Variants in EPHA6 observed in about 807,000 individuals in gnomAD.
The protein encoded by EPHA6 is ephrin type-A receptor 6.
A neutral mutation model predicts 112.0 loss-of-function variants in EPHA6; 50 were observed. The ratio of observed to expected loss-of-function variants is 0.45; its 90% CI spans 0.36 to 0.56. The LOEUF (loss-of-function observed/expected upper bound fraction) is 0.56, where lower values mean the gene tolerates loss of function less well. Ranked by LOEUF, EPHA6 falls within the 20% of genes least tolerant of loss-of-function variation. The pLI, the probability that EPHA6 is intolerant of heterozygous loss-of-function variation, is 0.00. For missense variants in EPHA6, 1,280 were observed against 1,417.4 expected, an observed-to-expected ratio of 0.90 and a Z score of 1.56; for synonymous variants, 529 against 490.7, an observed-to-expected ratio of 1.08 and a Z score of -1.03.
At chr3:97,446,648 T>G (rs1416873159) in intron 6 of EPHA6, among the ~76,000 whole-genome samples, 2 of 152,142 alleles carry the variant, frequency 1.3e-5, no homozygotes, top group Admixed American at 1.3e-4. Context: ...ACCATAACTC[T>G]TACGTTGTAG....
chr3:97,542,568 T>C (rs2092876744), intron 11 of EPHA6, among the ~76,000 whole-genome samples: 1 of 152,206 alleles, frequency 6.6e-6, no homozygotes, highest in Non-Finnish European at 1.5e-5. Context: ...TGTGCATGTG[T>C]CTTTATAGCA....
chr3:96,826,441 C>T (rs16836101), intron 1 of EPHA6, among the ~76,000 whole-genome samples: 2,045 of 152,062 alleles, frequency 0.013, 46 homozygotes, highest in African/African-American at 0.044. Context: ...ACCTGTAAAA[C>T]TAAGGGAAAA....
chr3:97,533,180 G>T (rs993141572), intron 11 of EPHA6, among the ~76,000 whole-genome samples: 1 of 151,772 alleles, frequency 6.6e-6, no homozygotes, highest in South Asian at 2.1e-4. Flanking sequence ...AAATGATAGG[G>T]CATAAAATAT....
intron 5 of EPHA6, among the ~76,000 whole-genome samples, chr3:97,366,431 G>T (rs2084735939): frequency 6.6e-6 from 1 of 152,168 alleles, no homozygotes; most frequent in Admixed American, 6.5e-5. Flanking sequence ...AAGATTTAAG[G>T]TTGTAAAACC....
At chr3:96,876,952 C>A (rs112035067) in intron 2 of EPHA6, among the ~76,000 whole-genome samples, 7 of 152,052 alleles carry the variant, frequency 4.6e-5, no homozygotes, top group Non-Finnish European at 7.4e-5. Flanking sequence ...ACTTAAATGT[C>A]TATCTTTTAC....
chr3:97,594,073 A>C (rs2107355237), intron 12 of EPHA6, among the ~76,000 whole-genome samples: 1 of 152,336 alleles, frequency 6.6e-6, no homozygotes, highest in African/African-American at 2.4e-5. Context: ...ATGTATAATT[A>C]ATATCCCAGT....
chr3:97,559,405 G>GCAGGA (rs1326957599), intron 11 of EPHA6, among the ~76,000 whole-genome samples: 3 of 151,964 alleles, frequency 2.0e-5, no homozygotes, highest in Admixed American at 2.0e-4. Flanking sequence ...AACCAGAAAG[G>GCAGGA]CAGGACATAC....
chr3:97,021,139 G>A (rs2107979795), intron 3 of EPHA6, among the ~76,000 whole-genome samples: 1 of 152,278 alleles, frequency 6.6e-6, no homozygotes, highest in East Asian at 1.9e-4. Context: ...TACTGCAAAT[G>A]TGTTCCTTCC....
At chr3:97,110,670 A>G (rs908853677) in intron 3 of EPHA6, among the ~76,000 whole-genome samples, 4 of 151,858 alleles carry the variant, frequency 2.6e-5, no homozygotes, top group African/African-American at 9.7e-5. Flanking sequence ...GATTACAAGC[A>G]TGTGCCACCA....
intron 14 of EPHA6, among the ~76,000 whole-genome samples, chr3:97,645,063 G>A (rs1295329061): frequency 6.6e-6 from 1 of 152,074 alleles, no homozygotes; most frequent in African/African-American, 2.4e-5. Context: ...AACGAATCCA[G>A]CAGCATATCA....
chr3:97,630,430 C>G (rs747384222), intron 13 of EPHA6, among the ~76,000 whole-genome samples: 12 of 151,682 alleles, frequency 7.9e-5, no homozygotes, highest in Non-Finnish European at 1.5e-4. Flanking sequence ...ATAAATAATC[C>G]CAAACATTTC....
chr3:97,203,655 A>T (rs986069447), intron 3 of EPHA6, among the ~76,000 whole-genome samples: 1 of 152,080 alleles, frequency 6.6e-6, no homozygotes, highest in Non-Finnish European at 1.5e-5. Flanking sequence ...ACAAAAAAAC[A>T]GTTTGGGAGT....
rs547018905 is a variant in EPHA6, at chr3:97,753,465, G to A, written c.*4764G>A. The stretch of plus-strand genomic sequence containing the variant: ...CGAAACACTCCATAACCCCTCTGGC[G>A]GAGGGGAAGCATACTTCCTGGGTTC... On this transcript the variant is annotated 3_prime_UTR_variant, in exon 18 of 18. Coordinates refer to ENST00000389672, the MANE Select transcript of EPHA6 (RefSeq NM_001080448.3). 3.3e-5 allele frequency among the ~76,000 whole-genome samples: 5 copies of A among 152,164 alleles called. No individual in the cohort carries two copies. Among genetic ancestry groups the A allele is most frequent in the Middle Eastern group, 3.4e-3 (1 of 294 alleles).
At chr3:96,894,733 G>A (rs978293547) in intron 2 of EPHA6, among the ~76,000 whole-genome samples, 2 of 152,128 alleles carry the variant, frequency 1.3e-5, no homozygotes, top group African/African-American at 4.8e-5. Context: ...CGTGGATGAG[G>A]ATGACATTGA....
rs13096898 is a variant in EPHA6, at chr3:97,296,881, C to A, written c.1606+52594C>A. On this transcript the variant is annotated intron_variant, in intron 5 of 17. Transcript: ENST00000389672. ...CCAACTGGGTCCAAGCAGCATCATCCCACTGTAGTCCTCTGGGTGAACACA... is the reference window on the plus strand; with the variant it reads ...CCAACTGGGTCCAAGCAGCATCATCACACTGTAGTCCTCTGGGTGAACACA... Among the ~76,000 whole-genome samples, 1,501 of 152,250 alleles carry A rather than the reference C, an allele frequency of 9.9e-3. 15 individuals carry two copies. The highest frequency in any genetic ancestry group is 0.015 in the Non-Finnish European group (1,049 of 68,014).
At chr3:97,452,732 C>T (rs1445370100) in intron 7 of EPHA6, among the ~76,000 whole-genome samples, 1 of 148,920 alleles carries the variant, frequency 6.7e-6, no homozygotes, top group Non-Finnish European at 1.5e-5. Context: ...AAAATAAAAT[C>T]TATATTATGC....
chr3:97,051,132 G>T (rs747053146), intron 3 of EPHA6, among the ~76,000 whole-genome samples: 1 of 152,092 alleles, frequency 6.6e-6, no homozygotes, highest in African/African-American at 2.4e-5. Context: ...ATACATAATG[G>T]AGGCAATCTA....
At chr3:97,533,371 G>A (rs1054863526) in intron 11 of EPHA6, among the ~76,000 whole-genome samples, 2 of 152,132 alleles carry the variant, frequency 1.3e-5, no homozygotes, top group African/African-American at 4.8e-5. Flanking sequence ...AAGCAGGAAA[G>A]TATAAAAGCT....
intron 3 of EPHA6, among the ~76,000 whole-genome samples, chr3:97,174,189 G>T (rs912035300): frequency 2.0e-5 from 3 of 151,336 alleles, no homozygotes; most frequent in African/African-American, 7.3e-5. Flanking sequence ...TTAACATAAT[G>T]ATCTCCAGTT....
Sources: allele counts gnomAD v4.1 joint callset (sites outside exome capture counted in the v4.1 genomes callset), GRCh38; gene constraint gnomAD v4.1.1; transcripts MANE v1.5; gene names NCBI Gene and HGNC (gene_info 2026-07-23, HGNC 2026-07-21).